The following CPEB3 variants were observed in gnomAD, a reference collection of about 807,000 sequenced individuals.
CPEB3 encodes cytoplasmic polyadenylation element binding protein 3.
In CPEB3, 20 loss-of-function variants were observed where a neutral mutation model predicts 67.2. The ratio of observed to expected loss-of-function variants is 0.30; its 90% CI spans 0.21 to 0.43. The LOEUF (loss-of-function observed/expected upper bound fraction) is 0.43, where lower values mean the gene tolerates loss of function less well. Ranked by LOEUF, CPEB3 falls within the 20% of genes least tolerant of loss-of-function variation. The pLI is 1.00. For missense variants in CPEB3, 746 were observed against 968.6 expected (o/e 0.77, Z 3.05); for synonymous variants, 376 against 393.1 (o/e 0.96, Z 0.51).
Position 92,220,724 on chromosome 10 carries a change from TA to T in CPEB3, c.1005+18621del, listed in dbSNP as rs550089508. Among the ~76,000 whole-genome samples, 93 of 152,224 alleles carry T rather than the reference TA, an allele frequency of 6.1e-4. 1 individual carries two copies. Among genetic ancestry groups the T allele is most frequent in the Non-Finnish European group, 1.1e-3 (73 of 68,038 alleles). ...AATTGTTCTTACCAGGCCTTGATGT[TA>T]AACATCTTAAACAAATTGCATTCCG... is the stretch of plus-strand genomic sequence containing the variant. On this transcript the variant is annotated intron_variant, in intron 2 of 9. Transcript: ENST00000265997.
intron 2 of CPEB3, among the ~76,000 whole-genome samples, chr10:92,233,145 G>C (rs1299829117): frequency 6.6e-6 from 1 of 152,072 alleles, no homozygotes; most frequent in African/African-American, 2.4e-5. Context: ...AACTAGAGAA[G>C]AGTCTTAAAT....
chr10:92,169,192 G>A (rs1240092652), intron 4 of CPEB3, among the ~76,000 whole-genome samples: 1 of 150,420 alleles, frequency 6.6e-6, no homozygotes, highest in South Asian at 2.1e-4. Flanking sequence ...AGGCTAGAGT[G>A]CAATGGTGCA....
Position 92,111,153 on chromosome 10 carries a change from C to G in CPEB3, c.1495G>C (p.Ala499Pro). ...LLFQEESSVQ[A>P]LIDACLEEDG... The stretch of plus-strand genomic sequence containing the variant: ...TCTTCTAGGCAGGCATCTATCAAAG[C>G]TTGTACTGAGCTTTCCTCTTGGAAC... The change falls in exon 7 of 10, where the codon GCT becomes CCT. Residue 499 changes from alanine (A) to proline (P), a missense_variant. Ala to Pro is a conservative substitution (Grantham distance 27). Coordinates refer to ENST00000265997, the MANE Select transcript of CPEB3 (RefSeq NM_014912.5). 6.2e-7 allele frequency: 1 copy of G among 1,614,152 alleles called. No individual in the cohort carries two copies. Among genetic ancestry groups the G allele is most frequent in the Non-Finnish European group, 8.5e-7 (1 of 1,179,990 alleles).
At chr10:92,073,796 C>T (rs1842844147) in intron 9 of CPEB3, among the ~76,000 whole-genome samples, 2 of 152,108 alleles carry the variant, frequency 1.3e-5, no homozygotes, top group African/African-American at 4.8e-5. Flanking sequence ...CCAAAAAAGA[C>T]AGCTCTGCCC....
chr10:92,285,679 A>G (rs1842499576), intron 1 of CPEB3, among the ~76,000 whole-genome samples: 1 of 152,206 alleles, frequency 6.6e-6, no homozygotes, highest in Admixed American at 6.5e-5. Flanking sequence ...GTTATAAAGG[A>G]TAACTTCTTT....
At chr10:92,287,710 G>A (rs1199631670) in intron 1 of CPEB3, among the ~76,000 whole-genome samples, 1 of 152,080 alleles carries the variant, frequency 6.6e-6, no homozygotes, top group Non-Finnish European at 1.5e-5. Flanking sequence ...CCTTTTAAGT[G>A]TACAATGGGT....
intron 1 of CPEB3, among the ~76,000 whole-genome samples, chr10:92,282,767 T>C (rs1842352744): frequency 6.6e-6 from 1 of 152,214 alleles, no homozygotes; most frequent in Non-Finnish European, 1.5e-5. Context: ...CTCCTCTTAA[T>C]GTCCTTTAGA....
At chr10:92,094,027 G>C (rs911469754) in intron 7 of CPEB3, among the ~76,000 whole-genome samples, 2 of 151,854 alleles carry the variant, frequency 1.3e-5, no homozygotes, top group Admixed American at 1.3e-4. Flanking sequence ...GGTAATTTTT[G>C]TATTTTTAGC....
intron 2 of CPEB3, among the ~76,000 whole-genome samples, chr10:92,238,186 T>C (rs936398969): frequency 1.3e-5 from 2 of 152,220 alleles, no homozygotes; most frequent in African/African-American, 2.4e-5. Flanking sequence ...CTCCCCTTTT[T>C]CTTTAACTGA....
chr10:92,189,698 ATTTTT>A (rs1035403421), intron 3 of CPEB3, among the ~76,000 whole-genome samples: 7 of 88,046 alleles, frequency 8.0e-5, no homozygotes, highest in African/African-American at 2.6e-4. Context: ...GTCTCTAGTG[ATTTTT>A]TTTTTTTTTT....
At chr10:92,263,302 C>G (rs892537063) in intron 1 of CPEB3, among the ~76,000 whole-genome samples, 1 of 152,226 alleles carries the variant, frequency 6.6e-6, no homozygotes, top group African/African-American at 2.4e-5. Context: ...TCTCGAACTC[C>G]TGGCCTCAAG....
intron 4 of CPEB3, among the ~76,000 whole-genome samples, chr10:92,167,167 T>C (rs1847783724): frequency 1.3e-5 from 2 of 152,220 alleles, no homozygotes; most frequent in African/African-American, 4.8e-5. Flanking sequence ...GCTGGTTTGT[T>C]CTTTTACTCA....
At chr10:92,224,568 A>AAAC in intron 2 of CPEB3, among the ~76,000 whole-genome samples, 1 of 152,176 alleles carries the variant, frequency 6.6e-6, no homozygotes, top group Non-Finnish European at 1.5e-5. Context: ...GCTGAAAAAA[A>AAAC]AACAACAACA....
chr10:92,120,509 A>C (rs864118), intron 6 of CPEB3, among the ~76,000 whole-genome samples: 1 of 151,894 alleles, frequency 6.6e-6, no homozygotes, highest in African/African-American at 2.4e-5. Flanking sequence ...GCCAGAACCC[A>C]GGAGGCGGAG....
At position 92,269,069 on chromosome 10, in the gene CPEB3, G is replaced by A. The variant is rs541798786; in HGVS notation, c.-12+21857C>T. Among the ~76,000 whole-genome samples the A allele has an allele frequency of 2.6e-5, 4 of 152,270 alleles. No homozygotes were observed. In the East Asian group the frequency reaches 5.8e-4, roughly 22 times the overall value. ...GTCACATCCTCAAATGAGTAAGGAA[G>A]CTGGATCTTTGTACCCTGCATCAGC... On this transcript the variant is annotated intron_variant, in intron 1 of 9. Coordinates refer to ENST00000265997, the MANE Select transcript of CPEB3 (RefSeq NM_014912.5).
intron 1 of CPEB3, among the ~76,000 whole-genome samples, chr10:92,246,352 G>A (rs1471333344): frequency 4.0e-5 from 6 of 150,148 alleles, no homozygotes; most frequent in Non-Finnish European, 8.9e-5. Flanking sequence ...AAAAAAAAAC[G>A]AAAAACAAAA....
chr10:92,219,348 T>C (rs933777177), intron 2 of CPEB3, among the ~76,000 whole-genome samples: 17 of 152,226 alleles, frequency 1.1e-4, no homozygotes, highest in Non-Finnish European at 2.4e-4. Context: ...CTTCACTGTC[T>C]TTCAGTGTCC....
chr10:92,274,870 T>C (rs1841907875), intron 1 of CPEB3, among the ~76,000 whole-genome samples: 3 of 151,954 alleles, frequency 2.0e-5, no homozygotes, highest in African/African-American at 7.3e-5. Flanking sequence ...TTCTGAGGAG[T>C]TGCCTTTATT....
intron 4 of CPEB3, among the ~76,000 whole-genome samples, chr10:92,161,345 C>T (rs1170574843): frequency 2.6e-5 from 4 of 151,940 alleles, no homozygotes; most frequent in African/African-American, 4.8e-5. Flanking sequence ...GATCTCGGCT[C>T]ACTGCAACCT....
Sources: allele counts gnomAD v4.1 joint callset (sites outside exome capture counted in the v4.1 genomes callset), GRCh38; gene constraint gnomAD v4.1.1; transcripts MANE v1.5; gene names NCBI Gene and HGNC (gene_info 2026-07-23, HGNC 2026-07-21).